The following ADAMTS3 variants were observed in gnomAD, a reference collection of about 807,000 sequenced individuals.
ADAMTS3 encodes A disintegrin and metalloproteinase with thrombospondin motifs 3.
ADAMTS3 carries 73 observed loss-of-function variants against 129.0 expected under a neutral mutation model. The ratio of observed to expected loss-of-function variants is 0.57; its 90% CI spans 0.47 to 0.69. The LOEUF (loss-of-function observed/expected upper bound fraction) is 0.69, where lower values mean the gene tolerates loss of function less well. Among genes scored for constraint, ADAMTS3 ranks in the 30% least tolerant of loss-of-function variants. ADAMTS3 has a pLI of 0.00. For missense variants in ADAMTS3, 1,457 were observed against 1,514.5 expected (o/e 0.96, Z 0.63); for synonymous variants, 477 against 510.8 (o/e 0.93, Z 0.89).
At chr4:72,372,246 G>T (rs1050877030) in intron 4 of ADAMTS3, among the ~76,000 whole-genome samples, 2 of 151,988 alleles carry the variant, frequency 1.3e-5, no homozygotes, top group African/African-American at 4.8e-5. Flanking sequence ...AAGTAGAATT[G>T]CAGAAATAAA....
chr4:72,284,707 C>T (rs1226858296), intron 21 of ADAMTS3, among the ~76,000 whole-genome samples: 1 of 152,118 alleles, frequency 6.6e-6, no homozygotes, highest in Non-Finnish European at 1.5e-5. Flanking sequence ...ACTCATAAAA[C>T]ACTTGATAAC....
intron 3 of ADAMTS3, among the ~76,000 whole-genome samples, chr4:72,470,176 C>G (rs566486307): frequency 3.9e-5 from 6 of 151,966 alleles, no homozygotes; most frequent in Non-Finnish European, 7.4e-5. Context: ...ACTGGCTGTC[C>G]TGTGGGTTTC....
At chr4:72,491,228 T>C (rs1302100785) in intron 3 of ADAMTS3, among the ~76,000 whole-genome samples, 1 of 151,818 alleles carries the variant, frequency 6.6e-6, no homozygotes, top group African/African-American at 2.4e-5. Flanking sequence ...TGTTGTTCAT[T>C]CTTTAGAGTT....
intron 2 of ADAMTS3, among the ~76,000 whole-genome samples, chr4:72,566,031 TA>T (rs58968096): frequency 2.0e-5 from 3 of 152,144 alleles, no homozygotes; most frequent in South Asian, 4.1e-4. Context: ...AAGAGTTGGT[TA>T]AAAAAAATTC....
intron 4 of ADAMTS3, among the ~76,000 whole-genome samples, chr4:72,360,550 T>C (rs1289796117): frequency 6.6e-6 from 1 of 151,348 alleles, no homozygotes; most frequent in East Asian, 1.9e-4. Context: ...TTTTGAAATT[T>C]ACAATTTTAC....
rs11945925 is a variant in ADAMTS3, at chr4:72,527,426, C to T, written c.504+21052G>A. ...ACACCTGTATTTCCCACTCTAACCT[C>T]ATGGGGCAAATACTATGCCTGCTTT... On this transcript the variant is annotated intron_variant, in intron 3 of 21. Coordinates refer to ENST00000286657, the MANE Select transcript of ADAMTS3 (RefSeq NM_014243.3). Among the ~76,000 whole-genome samples the T allele has an allele frequency of 7.1e-3, 1,079 of 152,282 alleles. 11 individuals are homozygous for T. The highest frequency in any genetic ancestry group is 0.025 in the African/African-American group (1,020 of 41,556).
At chr4:72,335,983 G>T (rs1395666261) in intron 5 of ADAMTS3, among the ~76,000 whole-genome samples, 1 of 152,084 alleles carries the variant, frequency 6.6e-6, no homozygotes, top group Non-Finnish European at 1.5e-5. Flanking sequence ...AGAAATATAA[G>T]CTTCTCTTTA....
chr4:72,414,626 C>T (rs1204495995), intron 4 of ADAMTS3, among the ~76,000 whole-genome samples, 189 bp downstream of exon 4: 9 of 151,878 alleles, frequency 5.9e-5, no homozygotes, highest in Admixed American at 5.3e-4. Flanking sequence ...GAATAAATAT[C>T]TGTAACATAT....
intron 3 of ADAMTS3, among the ~76,000 whole-genome samples, chr4:72,501,319 G>A (rs756127927): frequency 6.6e-6 from 1 of 151,960 alleles, no homozygotes; most frequent in South Asian, 2.1e-4. Flanking sequence ...TCCTTGTAGA[G>A]CTCTTTCACC....
intron 2 of ADAMTS3, among the ~76,000 whole-genome samples, chr4:72,553,639 G>C (rs1721695440): frequency 6.6e-6 from 1 of 152,132 alleles, no homozygotes; most frequent in Non-Finnish European, 1.5e-5. Flanking sequence ...GGAGAAGAGT[G>C]AATTATGTGG....
At chr4:72,520,031 T>A (rs1476771651) in intron 3 of ADAMTS3, among the ~76,000 whole-genome samples, 1 of 152,202 alleles carries the variant, frequency 6.6e-6, no homozygotes, top group Non-Finnish European at 1.5e-5. Context: ...GGATGTCCTT[T>A]CTGTTTGTTA....
intron 3 of ADAMTS3, among the ~76,000 whole-genome samples, chr4:72,521,404 TA>T (rs1720668763): frequency 6.6e-6 from 1 of 152,130 alleles, no homozygotes; most frequent in Non-Finnish European, 1.5e-5. Context: ...CACAATCCCT[TA>T]AAAATATTAA....
At chr4:72,396,374 T>C (rs772105113) in intron 4 of ADAMTS3, among the ~76,000 whole-genome samples, 21 of 152,156 alleles carry the variant, frequency 1.4e-4, no homozygotes, top group African/African-American at 3.1e-4. Flanking sequence ...TGAAGTAACA[T>C]AATAACATGG....
chr4:72,567,606 T>G (rs1328040836), intron 1 of ADAMTS3, among the ~76,000 whole-genome samples: 1 of 152,198 alleles, frequency 6.6e-6, no homozygotes, highest in African/African-American at 2.4e-5. Flanking sequence ...GGGAGTTGTT[T>G]GCCCCTTTTC....
intron 3 of ADAMTS3, among the ~76,000 whole-genome samples, chr4:72,505,202 A>G (rs1267284465): frequency 1.3e-5 from 2 of 152,030 alleles, no homozygotes; most frequent in Non-Finnish European, 2.9e-5. Flanking sequence ...TCTAATTTTT[A>G]TAGTTATTTT....
chr4:72,284,275 C>T (rs1718440530), intron 21 of ADAMTS3, among the ~76,000 whole-genome samples: 1 of 151,918 alleles, frequency 6.6e-6, no homozygotes, highest in Non-Finnish European at 1.5e-5. Flanking sequence ...AAAGCCGTCT[C>T]TACTAAAAAT....
intron 3 of ADAMTS3, among the ~76,000 whole-genome samples, chr4:72,438,587 T>C (rs1362664740): frequency 1.3e-5 from 2 of 151,822 alleles, no homozygotes; most frequent in Non-Finnish European, 2.9e-5. Flanking sequence ...TTCAATCTGT[T>C]GTGTATATTA....
intron 4 of ADAMTS3, among the ~76,000 whole-genome samples, chr4:72,384,454 C>T (rs192384199): frequency 8.0e-4 from 121 of 152,150 alleles, no homozygotes; most frequent in African/African-American, 2.7e-3. Flanking sequence ...AATAATGTTA[C>T]GAGTTATCCT....
At chr4:72,561,527 T>C (rs1225209346) in intron 2 of ADAMTS3, among the ~76,000 whole-genome samples, 1 of 151,026 alleles carries the variant, frequency 6.6e-6, no homozygotes, top group Non-Finnish European at 1.5e-5. Flanking sequence ...AAGAAAAAAA[T>C]GAACTTTACA....
Sources: gnomAD v4.1 joint callset for allele counts (sites outside exome capture counted in the v4.1 genomes callset) on GRCh38, gnomAD v4.1.1 for gene constraint, MANE v1.5 for transcripts, NCBI Gene and HGNC (gene_info 2026-07-23, HGNC 2026-07-21) for gene names.